PARD3B: variants seen among roughly 807,000 people sequenced by gnomAD.
The protein encoded by PARD3B is par-3 family cell polarity regulator beta, also known as partitioning defective 3 homolog B.
Under a neutral mutation model 130.2 loss-of-function variants are expected in PARD3B, and 103 were observed. The ratio of observed to expected loss-of-function variants is 0.79; its 90% confidence interval spans 0.67 to 0.93. The LOEUF (loss-of-function observed/expected upper bound fraction) is 0.93. PARD3B is among the 40% of genes least tolerant of loss of function. The pLI is 0.00. For synonymous variants in PARD3B, 583 were observed against 553.2 expected (o/e 1.05, Z -0.76); for missense variants, 1,609 against 1,499.2 (o/e 1.07, Z -1.21).
At chr2:205,001,268 C>T (rs1350026041) in intron 3 of PARD3B, among the ~76,000 whole-genome samples, 1 of 152,190 alleles carries the variant, frequency 6.6e-6, no homozygotes, top group African/African-American at 2.4e-5. Context: ...GAAATACAGG[C>T]GTGAGCCACT....
At chr2:204,596,092 A>G (rs769538915) in intron 1 of PARD3B, among the ~76,000 whole-genome samples, 27 of 152,342 alleles carry the variant, frequency 1.8e-4, no homozygotes, top group South Asian at 4.1e-4. Flanking sequence ...TTGATAGAGA[A>G]TAAGTTTCAT....
At chr2:204,579,840 T>C (rs527694806) in intron 1 of PARD3B, among the ~76,000 whole-genome samples, 21 of 152,342 alleles carry the variant, frequency 1.4e-4, no homozygotes, top group African/African-American at 5.1e-4. Flanking sequence ...CATCTCTGAC[T>C]TAGATTTTAT....
chr2:204,848,637 CTCTGTCTA>C (rs1401293373), intron 2 of PARD3B, among the ~76,000 whole-genome samples: 2 of 149,394 alleles, frequency 1.3e-5, no homozygotes, highest in African/African-American at 5.0e-5. Context: ...TAGAGTGAGA[CTCTGTCTA>C]TCTATCTATC....
chr2:204,894,549 T>A (rs976380435), intron 2 of PARD3B, among the ~76,000 whole-genome samples: 1 of 152,056 alleles, frequency 6.6e-6, no homozygotes, highest in African/African-American at 2.4e-5. Context: ...ACAACACTTC[T>A]GTGATTCTCT....
At chr2:205,186,195 G>GA (rs1242563718) in intron 14 of PARD3B, among the ~76,000 whole-genome samples, 3 of 151,986 alleles carry the variant, frequency 2.0e-5, no homozygotes, top group African/African-American at 7.3e-5. Flanking sequence ...ACAAAACTGA[G>GA]AAAATAGGAA....
At chr2:205,605,730 G>A (rs1286002728) in intron 22 of PARD3B, among the ~76,000 whole-genome samples, 7 of 152,186 alleles carry the variant, frequency 4.6e-5, no homozygotes, top group Non-Finnish European at 7.4e-5. Context: ...CAGGAGGCAC[G>A]GGAACTGGGA....
chr2:205,121,482 T>A lies in PARD3B; in HGVS notation c.807-109T>A. Reference sequence around the variant, plus strand: ...TTCTGATAGGAATATTGATCGTGTCTCCTATGATTAGCCACTGTGCTGCTC... The same window carrying A: ...TTCTGATAGGAATATTGATCGTGTCACCTATGATTAGCCACTGTGCTGCTC... On this transcript the variant is annotated intron_variant, in intron 7 of 22. Coordinates refer to ENST00000406610, the MANE Select transcript of PARD3B (RefSeq NM_001302769.2). The surrounding 1 kb of genome is among the most constrained non-coding windows in gnomAD (Gnocchi z 5.0). The A allele has an allele frequency of 1.0e-5, 9 of 901,754 alleles. No homozygotes were observed. Among genetic ancestry groups the A allele is most frequent in the Non-Finnish European group, 1.2e-5 (7 of 577,266 alleles). 55.9% of individuals were successfully genotyped at this position (901,754 alleles called of 1,614,324 possible).
intron 11 of PARD3B, among the ~76,000 whole-genome samples, chr2:205,164,079 A>C (rs1576023166): frequency 6.6e-6 from 1 of 152,350 alleles, no homozygotes; most frequent in African/African-American, 2.4e-5. Flanking sequence ...GGACTTTAAA[A>C]GCAGGAACTT....
chr2:204,671,663 T>G (rs182151547), intron 1 of PARD3B, among the ~76,000 whole-genome samples: 1 of 152,294 alleles, frequency 6.6e-6, no homozygotes, highest in Non-Finnish European at 1.5e-5. Context: ...CTTAATTTCC[T>G]TGTTTGGGGA....
intron 2 of PARD3B, among the ~76,000 whole-genome samples, chr2:204,953,475 A>G (rs1689986902): frequency 6.7e-6 from 1 of 150,020 alleles, no homozygotes; most frequent in African/African-American, 2.5e-5. Flanking sequence ...AGAAGGCTGG[A>G]GGGAAAGCAC....
At position 205,412,232 on chromosome 2, in the gene PARD3B, TC is replaced by T. The variant is rs1361235979; in HGVS notation, c.2741+11111del. 1.6e-4 allele frequency among the ~76,000 whole-genome samples: 24 copies of T among 152,220 alleles called. 1 individual carries two copies. In the East Asian group the frequency reaches 4.7e-3, roughly 30 times the overall value. On this transcript the variant is annotated intron_variant, in intron 19 of 22. Transcript: ENST00000406610. ...TCTGACCCCTTTCCCAGGCACAAAC[TC>T]CTGCCTTTTTCTGGTTTGTGTCCTT...
intron 21 of PARD3B, among the ~76,000 whole-genome samples, chr2:205,537,435 C>T (rs1315273652): frequency 6.6e-6 from 1 of 152,180 alleles, no homozygotes; most frequent in Non-Finnish European, 1.5e-5. Flanking sequence ...CCCCTTGCTA[C>T]ATGATGCTTC....
rs1054705401 is a variant in PARD3B, at chr2:204,907,181, C to T, written c.223-57971C>T. On this transcript the variant is annotated intron_variant, in intron 2 of 22. Coordinates refer to ENST00000406610, the MANE Select transcript of PARD3B (RefSeq NM_001302769.2). The surrounding 1 kb of genome is among the most constrained non-coding windows in gnomAD (Gnocchi z 5.7). Reference sequence around the variant, plus strand: ...ATTTTTAGTAAAGACGGGGTTTCACCGTGTTATCCAGGATGGTCTTGATCT... The same window carrying T: ...ATTTTTAGTAAAGACGGGGTTTCACTGTGTTATCCAGGATGGTCTTGATCT... Among the ~76,000 whole-genome samples the T allele has an allele frequency of 6.6e-6, 1 of 151,970 alleles. No individual in the cohort carries two copies. Among genetic ancestry groups the T allele is most frequent in the Non-Finnish European group, 1.5e-5 (1 of 68,022 alleles).
chr2:205,380,142 G>GAATATATATTATATAAAT (rs2045262933), intron 18 of PARD3B, among the ~76,000 whole-genome samples: 1 of 117,192 alleles, frequency 8.5e-6, no homozygotes, highest in Non-Finnish European at 1.7e-5. Flanking sequence ...ATTATATAAA[G>GAATATATATTATATAAAT]AATATATATT....
intron 18 of PARD3B, among the ~76,000 whole-genome samples, chr2:205,359,831 T>C (rs2044324821): frequency 6.6e-6 from 1 of 152,158 alleles, no homozygotes; most frequent in African/African-American, 2.4e-5. Context: ...AACATCCTCA[T>C]ACGTGCCCTG....
At chr2:205,054,567 G>A (rs968591888) in intron 4 of PARD3B, among the ~76,000 whole-genome samples, 2 of 149,690 alleles carry the variant, frequency 1.3e-5, no homozygotes, top group African/African-American at 2.5e-5. Flanking sequence ...TTTACATTAG[G>A]TATATCTCCT....
chr2:204,940,581 A>C (rs972120903), intron 2 of PARD3B, among the ~76,000 whole-genome samples: 1 of 152,230 alleles, frequency 6.6e-6, no homozygotes, highest in Non-Finnish European at 1.5e-5. Flanking sequence ...TAGAAAGGCA[A>C]TTCTAAGATA....
chr2:204,914,395 T>G (rs191755222), intron 2 of PARD3B, among the ~76,000 whole-genome samples: 1 of 152,324 alleles, frequency 6.6e-6, no homozygotes, highest in East Asian at 1.9e-4. Context: ...TTTCTTAAGC[T>G]TAACTCAAAT....
intron 4 of PARD3B, among the ~76,000 whole-genome samples, chr2:205,096,462 A>C (rs1414444482): frequency 1.3e-5 from 2 of 152,192 alleles, no homozygotes; most frequent in Non-Finnish European, 2.9e-5. Flanking sequence ...GATGAAGAGA[A>C]GGTGTGGCCA....
Sources: allele counts gnomAD v4.1 joint callset (sites outside exome capture counted in the v4.1 genomes callset), GRCh38; gene constraint gnomAD v4.1.1; non-coding constraint Gnocchi (gnomAD v3.1); transcripts MANE v1.5; gene names NCBI Gene and HGNC (gene_info 2026-07-23, HGNC 2026-07-21).